Variants in NCF2 observed in about 807,000 individuals in gnomAD.
NCF2 encodes neutrophil cytosolic factor 2.
A neutral mutation model predicts 70.9 loss-of-function variants in NCF2; 45 were observed. That is an observed-to-expected ratio of 0.63 (90% CI 0.50 to 0.81). The LOEUF (loss-of-function observed/expected upper bound fraction) is 0.81, where lower values mean the gene tolerates loss of function less well. NCF2 is among the 40% of genes least tolerant of loss of function. NCF2 has a pLI of 0.00. For missense variants in NCF2, 522 were observed against 631.6 expected (o/e 0.83, Z 1.86); for synonymous variants, 203 against 233.6 (o/e 0.87, Z 1.19).
chr1:183,556,318 G>T, intron 14 of NCF2, 88 bp from the exon 15 acceptor site: 1 of 1,139,352 alleles, frequency 8.8e-7, no homozygotes, highest in Non-Finnish European at 1.3e-6. Flanking sequence ...TTTGTTATCT[G>T]TCACCCTTCC....
chr1:183,560,013 T>A, intron 14 of NCF2, 83 bp downstream of exon 14: 2 of 1,444,232 alleles, frequency 1.4e-6, no homozygotes, highest in South Asian at 2.4e-5. Flanking sequence ...GTTTGTAGAT[T>A]ATTGATATTT....
chr1:183,575,917 A>G (rs1020830599), intron 3 of NCF2, among the ~76,000 whole-genome samples: 1 of 152,160 alleles, frequency 6.6e-6, no homozygotes, highest in Admixed American at 6.5e-5. Flanking sequence ...TTTCAGTCCT[A>G]TTTCTGAGAT....
intron 2 of NCF2, among the ~76,000 whole-genome samples, chr1:183,581,567 A>G (rs887424891): frequency 2.2e-4 from 34 of 151,942 alleles, no homozygotes; most frequent in African/African-American, 6.7e-4. Context: ...GGGTTCAAGC[A>G]ATCCTCCCAC....
At position 183,556,231 on chromosome 1, in the gene NCF2, C is replaced by G. The variant is rs768896227; in HGVS notation, c.1469-1G>C. The stretch of plus-strand genomic sequence containing the variant: ...TCCCCTTCCAGCCATTCTTCATTCA[C>G]TGATAAAAGGAAAAGTACACATGGA... On this transcript the variant is annotated splice_acceptor_variant, in intron 14 of 14. Transcript: ENST00000367535. LOFTEE classifies it high-confidence loss of function. The G allele has an allele frequency of 5.6e-6, 9 of 1,613,002 alleles. No individual in the cohort carries two copies. Among genetic ancestry groups the G allele is most frequent in the Admixed American group, 5.0e-5 (3 of 59,984 alleles).
intron 5 of NCF2, 150 bp downstream of exon 5, chr1:183,573,035 G>C: frequency 1.3e-6 from 1 of 787,436 alleles, no homozygotes; most frequent in African/African-American, 1.7e-5. Flanking sequence ...CTATCTTTCA[G>C]CCAAACCTCT....
intron 2 of NCF2, among the ~76,000 whole-genome samples, chr1:183,578,613 G>A (rs1001520348): frequency 7.2e-5 from 11 of 152,158 alleles, no homozygotes; most frequent in Non-Finnish European, 1.5e-4. Context: ...TGATCTGCCC[G>A]CCTTGGCCTC....
chr1:183,590,368 A>G lies in NCF2; in HGVS notation c.-39T>C. ...CTAGGAGGCCAAGAGAGCTGCCAGG[A>G]GACAGAGAGAAGACAGGTTGGAGCG... On this transcript the variant is annotated 5_prime_UTR_variant, in exon 1 of 15. Coordinates refer to ENST00000367535, the MANE Select transcript of NCF2 (RefSeq NM_000433.4). 1 of 1,612,678 alleles carries G rather than the reference A, an allele frequency of 6.2e-7. No homozygotes were observed. The highest frequency in any genetic ancestry group is 8.5e-7 in the Non-Finnish European group (1 of 1,178,834).
At chr1:183,583,407 T>A (rs1673202101) in intron 2 of NCF2, among the ~76,000 whole-genome samples, 1 of 152,172 alleles carries the variant, frequency 6.6e-6, no homozygotes, top group African/African-American at 2.4e-5. Flanking sequence ...CTAGCCCCCA[T>A]CCCGCTTACT....
intron 14 of NCF2, among the ~76,000 whole-genome samples, chr1:183,558,392 T>C (rs568710134): frequency 1.1e-4 from 16 of 150,894 alleles, no homozygotes; most frequent in African/African-American, 3.9e-4. Context: ...CTCAGCCTCC[T>C]GAATAGCTGG....
intron 9 of NCF2, 141 bp downstream of exon 9, chr1:183,566,779 T>G: frequency 9.5e-7 from 1 of 1,057,210 alleles, no homozygotes; most frequent in Non-Finnish European, 1.4e-6. Context: ...GGGTAGCTGG[T>G]GCCATCTCAA....
intron 1 of NCF2, 67 bp from the exon 2 acceptor site, chr1:183,587,044 G>GCTCAT: frequency 1.4e-6 from 2 of 1,422,572 alleles, no homozygotes; most frequent in Non-Finnish European, 2.0e-6. Flanking sequence ...ATGAGCCACG[G>GCTCAT]CTCACAGAGC....
In NCF2 at chr1:183,555,874, TC is replaced by T. The variant is rs1671746670; in HGVS notation, c.*243del. The T allele has an allele frequency of 1.9e-5, 11 of 572,990 alleles. No homozygotes were observed. Among genetic ancestry groups the T allele is most frequent in the South Asian group, 1.2e-4 (6 of 49,506 alleles). The allele number at this position is 572,990 out of a possible 1,614,324, so 35.5% of individuals were successfully genotyped here. On this transcript the variant is annotated 3_prime_UTR_variant, in exon 15 of 15. Transcript: ENST00000367535. Reference sequence around the variant, plus strand: ...CTCTCTCGTGCCCTTTCCAGACACTTCCATCCACTTTTCCTCTCCCCTAACT... The same window carrying T: ...CTCTCTCGTGCCCTTTCCAGACACTTCATCCACTTTTCCTCTCCCCTAACT...
At chr1:183,570,702 C>T in intron 6 of NCF2, 78 bp downstream of exon 6, 1 of 1,479,328 alleles carries the variant, frequency 6.8e-7, no homozygotes, top group Non-Finnish European at 9.4e-7. Context: ...CAACTCAGCA[C>T]ACATAGTCTC....
At chr1:183,568,832 A>G (rs1672421353) in intron 7 of NCF2, among the ~76,000 whole-genome samples, 1 of 151,972 alleles carries the variant, frequency 6.6e-6, no homozygotes, top group African/African-American at 2.4e-5. Context: ...ACCCCTTGCC[A>G]TGTGGGTGGC....
upstream of NCF2, among the ~76,000 whole-genome samples, chr1:183,591,997 T>C (rs1251390593): frequency 6.6e-6 from 1 of 152,162 alleles, no homozygotes; most frequent in African/African-American, 2.4e-5. Context: ...TCCAGAAAAG[T>C]AAAAATCAGT....
At chr1:183,598,028 TG>T in the NCF2 span, 1 of 152,110 alleles carries the variant, frequency 6.6e-6, no homozygotes, top group Non-Finnish European at 1.5e-5. Context: ...GACTGAGAGG[TG>T]TATAAACCTA....
chr1:183,572,147 C>T (rs556205743), intron 5 of NCF2, among the ~76,000 whole-genome samples: 3 of 152,306 alleles, frequency 2.0e-5, no homozygotes, highest in South Asian at 2.1e-4. Flanking sequence ...TGACTCACTT[C>T]AGACCATGTC....
At position 183,563,343 on chromosome 1, in the gene NCF2, A is replaced by C. The variant is rs72550875; in HGVS notation, c.1179-37T>G. The C allele has an allele frequency of 8.0e-5, 129 of 1,613,776 alleles. No individual in the cohort carries two copies. In the African/African-American group the frequency reaches 1.7e-3, roughly 21 times the overall value. On this transcript the variant is annotated intron_variant, in intron 12 of 14. Coordinates refer to ENST00000367535, the MANE Select transcript of NCF2 (RefSeq NM_000433.4). ...TAATGAGTAAGAATCCAGTCAAAGA[A>C]CATCATCACAAAAACCATCCTCCTC...
intron 8 of NCF2, 27 bp downstream of exon 8, chr1:183,567,177 C>G (rs201901727): frequency 6.2e-7 from 1 of 1,614,130 alleles, no homozygotes; most frequent in Admixed American, 1.7e-5. Flanking sequence ...CCATGCCCAT[C>G]GCACCAGCCC....
Sources: gnomAD v4.1 joint callset for allele counts (sites outside exome capture counted in the v4.1 genomes callset) on GRCh38, gnomAD v4.1.1 for gene constraint, MANE v1.5 for transcripts, NCBI Gene and HGNC (gene_info 2026-07-23, HGNC 2026-07-21) for gene names.